B3GALT1: variants seen among roughly 807,000 people sequenced by gnomAD.
B3GALT1 encodes beta-1,3-galactosyltransferase 1.
In B3GALT1, 10 loss-of-function variants were observed where a neutral mutation model predicts 23.2. The ratio of observed to expected loss-of-function variants is 0.43; its 90% CI spans 0.27 to 0.73. The LOEUF is 0.73. Among genes scored for constraint, B3GALT1 ranks in the 30% least tolerant of loss-of-function variants. The pLI, the probability that B3GALT1 is intolerant of heterozygous loss-of-function variation, is 0.21. For missense variants in B3GALT1, 299 were observed against 405.4 expected (o/e 0.74, Z 2.25); for synonymous variants, 156 against 141.5 (o/e 1.10, Z -0.73).
chr2:167,331,149 G>C (rs1232718818), intron 1 of B3GALT1, among the ~76,000 whole-genome samples: 1 of 152,110 alleles, frequency 6.6e-6, no homozygotes, highest in Non-Finnish European at 1.5e-5. Flanking sequence ...TGGTGGCTTA[G>C]GCTGTGATTG....
At position 167,871,181 on chromosome 2, in the gene B3GALT1, G is replaced by A. The variant is rs1339736872; in HGVS notation, c.*1161G>A. 1.3e-5 allele frequency: 2 copies of A among 152,028 alleles called. No individual in the cohort carries two copies. Among genetic ancestry groups the A allele is most frequent in the East Asian group, 1.9e-4 (1 of 5,192 alleles). 9.4% of individuals were successfully genotyped at this position (152,028 alleles called of 1,614,324 possible). On this transcript the variant is annotated 3_prime_UTR_variant, in exon 5 of 5. Coordinates refer to ENST00000392690, the MANE Select transcript of B3GALT1 (RefSeq NM_020981.4). The stretch of plus-strand genomic sequence containing the variant: ...CCCGTTGATGCCACCATACTTATTG[G>A]GCCATATGAGTAGGCATCGTAATCT...
intron 1 of B3GALT1, among the ~76,000 whole-genome samples, chr2:167,478,883 T>G (rs981320274): frequency 6.6e-6 from 1 of 152,114 alleles, no homozygotes; most frequent in Non-Finnish European, 1.5e-5. Flanking sequence ...CTTTCTAAAT[T>G]TTCTTCAAAT....
intron 2 of B3GALT1, among the ~76,000 whole-genome samples, chr2:167,641,751 T>C (rs1244737364): frequency 6.6e-6 from 1 of 152,158 alleles, no homozygotes; most frequent in East Asian, 1.9e-4. Flanking sequence ...TTGTCAGCCC[T>C]GCAAATGTTG....
chr2:167,369,829 T>C (rs967652674), intron 1 of B3GALT1, among the ~76,000 whole-genome samples: 1 of 152,190 alleles, frequency 6.6e-6, no homozygotes, highest in African/African-American at 2.4e-5. Context: ...CAGCATCACA[T>C]TGAACTAAAG....
At position 167,664,785 on chromosome 2, in the gene B3GALT1, A is replaced by G. The variant is rs555528032; in HGVS notation, c.-352+17819A>G. Among the ~76,000 whole-genome samples, 18 of 151,702 alleles carry G rather than the reference A, an allele frequency of 1.2e-4. No individual in the cohort carries two copies. In the South Asian group the frequency reaches 3.6e-3, roughly 30 times the overall value. ...GTTTGTCTGTTATTGGTGTATAAGA[A>G]TGCTTGTGATTTTTGTACATTGATT... On this transcript the variant is annotated intron_variant, in intron 3 of 4. Coordinates refer to ENST00000392690, the MANE Select transcript of B3GALT1 (RefSeq NM_020981.4).
chr2:167,638,905 G>A (rs1226387537), intron 2 of B3GALT1, among the ~76,000 whole-genome samples: 1 of 151,954 alleles, frequency 6.6e-6, no homozygotes, highest in Admixed American at 6.6e-5. Context: ...GTAAACTTGG[G>A]CAAATTACTT....
intron 3 of B3GALT1, among the ~76,000 whole-genome samples, chr2:167,795,334 A>G (rs1287665195): frequency 5.9e-5 from 9 of 152,192 alleles, no homozygotes; most frequent in African/African-American, 2.2e-4. Flanking sequence ...GTGACCACAT[A>G]ACACCAATGG....
chr2:167,806,846 G>A lies in B3GALT1; in HGVS notation c.-351-11826G>A, dbSNP rs531572403. On this transcript the variant is annotated intron_variant, in intron 3 of 4. Coordinates refer to ENST00000392690, the MANE Select transcript of B3GALT1 (RefSeq NM_020981.4). ...TGGCGTCATAAAATGAGTTAAGGAG[G>A]ATTCCCTCTTTTTCTATTGATTAGA... is the stretch of plus-strand genomic sequence containing the variant. 1.6e-3 allele frequency among the ~76,000 whole-genome samples: 237 copies of A among 152,288 alleles called. 3 individuals are homozygous for A. Among genetic ancestry groups the A allele is most frequent in the African/African-American group, 5.1e-3 (210 of 41,560 alleles).
rs78373105 is a variant in B3GALT1, at chr2:167,618,862, A to G, written c.-409-28047A>G. The stretch of plus-strand genomic sequence containing the variant: ...TTCTTAGTGCATCAAGAACCAAATT[A>G]TATCTTTTTCCTTTCCTGATGATGT... On this transcript the variant is annotated intron_variant, in intron 2 of 4. Transcript: ENST00000392690. Among the ~76,000 whole-genome samples the G allele has an allele frequency of 9.2e-3, 1,400 of 151,980 alleles. 11 individuals are homozygous for G. The highest frequency in any genetic ancestry group is 0.033 in the South Asian group (159 of 4,818).
chr2:167,658,863 G>A (rs1260499587), intron 3 of B3GALT1, among the ~76,000 whole-genome samples: 1 of 152,030 alleles, frequency 6.6e-6, no homozygotes. Context: ...TGTTAATCAA[G>A]GCCATGTAGA....
At chr2:167,507,397 C>T (rs1399322316) in intron 2 of B3GALT1, among the ~76,000 whole-genome samples, 1 of 149,784 alleles carries the variant, frequency 6.7e-6, no homozygotes, top group Non-Finnish European at 1.5e-5. Context: ...ATCCCAGCTA[C>T]TCAGGAGCTG....
intron 2 of B3GALT1, among the ~76,000 whole-genome samples, chr2:167,591,493 CAG>C (rs1304514644): frequency 6.6e-6 from 1 of 152,012 alleles, no homozygotes; most frequent in Admixed American, 6.6e-5. Flanking sequence ...TATTTTGAGA[CAG>C]AGTCTCACTC....
chr2:167,835,339 C>T (rs939170544), intron 4 of B3GALT1, among the ~76,000 whole-genome samples: 3 of 152,244 alleles, frequency 2.0e-5, no homozygotes, highest in African/African-American at 7.2e-5. Context: ...GAATACTGTG[C>T]TTTTCCGACG....
chr2:167,814,718 A>G (rs1298716358), intron 3 of B3GALT1: 2 of 152,626 alleles, frequency 1.3e-5, no homozygotes, highest in East Asian at 3.9e-4. Context: ...AGAGCGTGCC[A>G]CTGCACTCCA....
intron 2 of B3GALT1, among the ~76,000 whole-genome samples, chr2:167,583,712 C>A (rs1574152283): frequency 6.6e-6 from 1 of 152,160 alleles, no homozygotes; most frequent in South Asian, 2.1e-4. Flanking sequence ...ATCTTAATCA[C>A]TTTACATGTC....
At chr2:167,446,410 T>C (rs1279316227) in intron 1 of B3GALT1, among the ~76,000 whole-genome samples, 2 of 152,352 alleles carry the variant, frequency 1.3e-5, no homozygotes, top group Admixed American at 1.3e-4. Flanking sequence ...AATGTTGGCC[T>C]GCCTTGCTAA....
chr2:167,306,806 T>C (rs888519194), intron 1 of B3GALT1, among the ~76,000 whole-genome samples: 1 of 152,032 alleles, frequency 6.6e-6, no homozygotes, highest in Non-Finnish European at 1.5e-5. Context: ...TCCTGACTTC[T>C]CAAATTAATC....
chr2:167,535,375 A>T (rs949146450), intron 2 of B3GALT1, among the ~76,000 whole-genome samples: 3 of 152,110 alleles, frequency 2.0e-5, no homozygotes, highest in Non-Finnish European at 4.4e-5. Context: ...TGGGAAAGAC[A>T]TGGCCATCTG....
chr2:167,592,389 T>C (rs181335567), intron 2 of B3GALT1, among the ~76,000 whole-genome samples: 2 of 152,272 alleles, frequency 1.3e-5, no homozygotes, highest in East Asian at 3.9e-4. Flanking sequence ...AAGATGCTCC[T>C]AGGCATAGGA....
Sources: gnomAD v4.1 joint callset for allele counts (sites outside exome capture counted in the v4.1 genomes callset) on GRCh38, gnomAD v4.1.1 for gene constraint, MANE v1.5 for transcripts, NCBI Gene and HGNC (gene_info 2026-07-23, HGNC 2026-07-21) for gene names.